The following GRIN2A variants were observed in gnomAD, a reference collection of about 807,000 sequenced individuals.
GRIN2A encodes the protein glutamate receptor ionotropic, NMDA 2A.
Under a neutral mutation model 113.4 loss-of-function variants are expected in GRIN2A, and 22 were observed. That is an observed-to-expected ratio of 0.19 (90% CI 0.14 to 0.28). The LOEUF (loss-of-function observed/expected upper bound fraction) is 0.28, where lower values mean the gene tolerates loss of function less well. Ranked by LOEUF, GRIN2A falls within the 10% of genes least tolerant of loss-of-function variation. GRIN2A has a pLI of 1.00. For synonymous variants in GRIN2A, 827 were observed against 738.4 expected (o/e 1.12, Z -1.94); for missense variants, 1,502 against 1,887.0 (o/e 0.80, Z 3.78).
intron 3 of GRIN2A, among the ~76,000 whole-genome samples, chr16:9,929,486 T>G (rs1019063880): frequency 6.6e-6 from 1 of 152,184 alleles, no homozygotes; most frequent in African/African-American, 2.4e-5. Flanking sequence ...AGCCCAAATA[T>G]GCATTAAGCC....
intron 2 of GRIN2A, among the ~76,000 whole-genome samples, chr16:10,040,589 CAA>C (rs1368429144): frequency 1.4e-5 from 2 of 141,954 alleles, no homozygotes; most frequent in African/African-American, 5.2e-5. Flanking sequence ...CACACACACA[CAA>C]AACACACATC....
intron 2 of GRIN2A, among the ~76,000 whole-genome samples, chr16:9,952,360 C>G (rs1191859797): frequency 1.3e-5 from 2 of 152,014 alleles, no homozygotes; most frequent in Admixed American, 1.3e-4. Context: ...AGACAGAGTA[C>G]AGAGAGGACA....
chr16:10,116,982 T>A (rs1357741683), intron 2 of GRIN2A, among the ~76,000 whole-genome samples: 1 of 151,458 alleles, frequency 6.6e-6, no homozygotes. Flanking sequence ...AAGCTTCAGG[T>A]GACCCTCAGG....
chr16:10,104,563 C>A (rs72776004), intron 2 of GRIN2A, among the ~76,000 whole-genome samples: 1 of 152,112 alleles, frequency 6.6e-6, no homozygotes, highest in Non-Finnish European at 1.5e-5. Flanking sequence ...AAAGCTTGCA[C>A]GAGCACAATT....
intron 2 of GRIN2A, among the ~76,000 whole-genome samples, chr16:10,168,041 T>C (rs1009100578): frequency 6.6e-6 from 1 of 152,206 alleles, no homozygotes; most frequent in African/African-American, 2.4e-5. Context: ...AAGCTGAATA[T>C]ACTTTATTAA....
At chr16:10,110,775 G>A (rs563019521) in intron 2 of GRIN2A, among the ~76,000 whole-genome samples, 1 of 152,310 alleles carries the variant, frequency 6.6e-6, no homozygotes, top group Admixed American at 6.5e-5. Context: ...CAACACAGAT[G>A]ATGTCAGTGG....
chr16:9,837,433 C>T (rs747909961), intron 7 of GRIN2A, among the ~76,000 whole-genome samples: 30 of 152,106 alleles, frequency 2.0e-4, no homozygotes, highest in Non-Finnish European at 3.5e-4. Flanking sequence ...TCTAGAGAAA[C>T]TGGGTTGAGG....
At position 9,845,068 on chromosome 16, in the gene GRIN2A, G is replaced by A. The variant is rs144393821; in HGVS notation, c.1329-3964C>T. Among the ~76,000 whole-genome samples, 8 of 152,218 alleles carry A rather than the reference G, an allele frequency of 5.3e-5. No individual in the cohort carries two copies. In the East Asian group the frequency reaches 1.5e-3, roughly 29 times the overall value. ...TGCAATTGATCTAATCTTCTTTAATGTTGGGATTAGTGGATCCTAGCAATT... is the reference window on the plus strand; with the variant it reads ...TGCAATTGATCTAATCTTCTTTAATATTGGGATTAGTGGATCCTAGCAATT... On this transcript the variant is annotated intron_variant, in intron 5 of 12. Transcript: ENST00000330684.
intron 11 of GRIN2A, among the ~76,000 whole-genome samples, chr16:9,781,202 C>T (rs973781480): frequency 6.6e-6 from 1 of 151,944 alleles, no homozygotes; most frequent in Non-Finnish European, 1.5e-5. Flanking sequence ...CTGATTTAAC[C>T]AATCAAAACA....
intron 2 of GRIN2A, among the ~76,000 whole-genome samples, chr16:10,114,035 A>G (rs564804703): frequency 2.0e-5 from 3 of 152,006 alleles, no homozygotes; most frequent in Non-Finnish European, 4.4e-5. Context: ...AGAAAAAAAA[A>G]GATTTAATTA....
At chr16:9,967,737 C>T (rs2045584194) in intron 2 of GRIN2A, among the ~76,000 whole-genome samples, 1 of 151,654 alleles carries the variant, frequency 6.6e-6, no homozygotes, top group Non-Finnish European at 1.5e-5. Flanking sequence ...ACTTTGGGGA[C>T]TTAGGGGTAG....
intron 10 of GRIN2A, among the ~76,000 whole-genome samples, chr16:9,807,810 T>C (rs2042012019): frequency 6.6e-6 from 1 of 152,168 alleles, no homozygotes; most frequent in African/African-American, 2.4e-5. Flanking sequence ...GCATACTTTG[T>C]GGAAAGTTGG....
intron 11 of GRIN2A, among the ~76,000 whole-genome samples, chr16:9,787,352 T>C (rs1023816934): frequency 2.0e-5 from 3 of 152,236 alleles, no homozygotes. Context: ...TTTCAACCAA[T>C]TGCAAATCAG....
At chr16:9,979,112 G>A (rs2045833828) in intron 2 of GRIN2A, among the ~76,000 whole-genome samples, 2 of 152,114 alleles carry the variant, frequency 1.3e-5, no homozygotes, top group Admixed American at 1.3e-4. Context: ...AGTAAGCCAA[G>A]AGGAGACTAA....
At chr16:9,810,234 G>T (rs1438922014) in intron 10 of GRIN2A, among the ~76,000 whole-genome samples, 1 of 152,110 alleles carries the variant, frequency 6.6e-6, no homozygotes, top group Non-Finnish European at 1.5e-5. Context: ...CATTCCTGTG[G>T]AATACACCAC....
In GRIN2A at chr16:10,141,808, G is replaced by T. The variant is rs527464519; in HGVS notation, c.414+38190C>A. Among the ~76,000 whole-genome samples, 77 of 152,320 alleles carry T rather than the reference G, an allele frequency of 5.1e-4. 2 individuals carry two copies. In the South Asian group the frequency reaches 0.016, roughly 31 times the overall value. ...GGGCTATTTTCCACATTTTACAAAT[G>T]AGATACCAGAGCTCAGAAGGGAATG... On this transcript the variant is annotated intron_variant, in intron 2 of 12. Transcript: ENST00000330684.
chr16:10,063,567 C>G (rs972025630), intron 2 of GRIN2A, among the ~76,000 whole-genome samples: 2 of 152,168 alleles, frequency 1.3e-5, no homozygotes, highest in African/African-American at 2.4e-5. Context: ...CATTGATAAT[C>G]TGGATTTTCT....
chr16:10,070,199 A>T (rs896751086), intron 2 of GRIN2A, among the ~76,000 whole-genome samples: 1 of 151,988 alleles, frequency 6.6e-6, no homozygotes, highest in African/African-American at 2.4e-5. Context: ...GATGCCAGCA[A>T]TGTTTTCTAG....
chr16:10,062,908 A>G (rs2047573012), intron 2 of GRIN2A, among the ~76,000 whole-genome samples: 2 of 152,060 alleles, frequency 1.3e-5, no homozygotes, highest in Admixed American at 6.6e-5. Context: ...TGGGTTAGCA[A>G]AAAGACACAT....
Sources: allele counts gnomAD v4.1 joint callset (sites outside exome capture counted in the v4.1 genomes callset), GRCh38; gene constraint gnomAD v4.1.1; transcripts MANE v1.5; gene names NCBI Gene and HGNC (gene_info 2026-07-23, HGNC 2026-07-21).